Variants in MACROD2 observed in about 807,000 individuals in gnomAD.
The protein encoded by MACROD2 is mono-ADP ribosylhydrolase 2.
MACROD2 carries 36 observed loss-of-function variants against 70.4 expected under a neutral mutation model. That is an observed-to-expected ratio of 0.51 (90% CI 0.39 to 0.68). The LOEUF (loss-of-function observed/expected upper bound fraction) is 0.68, where lower values mean the gene tolerates loss of function less well. Among genes scored for constraint, MACROD2 ranks in the 30% least tolerant of loss-of-function variants. The pLI is 0.00. For missense variants in MACROD2, 496 were observed against 538.4 expected (o/e 0.92, Z 0.78); for synonymous variants, 172 against 178.8 (o/e 0.96, Z 0.30).
At chr20:14,882,388 A>C (rs1004025024) in intron 5 of MACROD2, among the ~76,000 whole-genome samples, 1 of 152,276 alleles carries the variant, frequency 6.6e-6, no homozygotes, top group Admixed American at 6.5e-5. Flanking sequence ...TACATGTGTC[A>C]TCTCTCAACC....
At chr20:15,293,214 G>A (rs749835521) in intron 6 of MACROD2, among the ~76,000 whole-genome samples, 59 of 152,148 alleles carry the variant, frequency 3.9e-4, no homozygotes, top group Non-Finnish European at 6.3e-4. Flanking sequence ...GGTAACATAC[G>A]TATTCCTAGA....
intron 2 of MACROD2, among the ~76,000 whole-genome samples, chr20:14,009,851 C>T (rs569949653): frequency 1.3e-5 from 2 of 152,202 alleles, no homozygotes; most frequent in South Asian, 2.1e-4. Context: ...CCATTATGCT[C>T]GACAAACTCT....
chr20:15,666,460 C>A (rs2146827258), intron 8 of MACROD2, among the ~76,000 whole-genome samples: 1 of 152,168 alleles, frequency 6.6e-6, no homozygotes, highest in South Asian at 2.1e-4. Flanking sequence ...TCATTTTCTC[C>A]CTGTGGAGGA....
chr20:15,188,010 G>A (rs1335585917), intron 5 of MACROD2, among the ~76,000 whole-genome samples: 8 of 152,046 alleles, frequency 5.3e-5, no homozygotes. Flanking sequence ...AATGTAATGG[G>A]GGCTTTCAGA....
intron 8 of MACROD2, among the ~76,000 whole-genome samples, chr20:15,849,483 C>T (rs976724707): frequency 9.2e-5 from 14 of 152,192 alleles, no homozygotes; most frequent in Non-Finnish European, 1.6e-4. Context: ...TTCCTTCGAG[C>T]ATCGTGACCA....
intron 8 of MACROD2, among the ~76,000 whole-genome samples, chr20:15,643,858 T>G (rs892784020): frequency 6.6e-6 from 1 of 152,172 alleles, no homozygotes. Context: ...AAAAGCATTT[T>G]GGGTGTTCCA....
At chr20:16,023,523 A>G (rs1394221565) in intron 15 of MACROD2, among the ~76,000 whole-genome samples, 3 of 151,060 alleles carry the variant, frequency 2.0e-5, no homozygotes, top group Non-Finnish European at 4.4e-5. Context: ...ATGGCCCTCT[A>G]AAAGCAGATC....
intron 6 of MACROD2, among the ~76,000 whole-genome samples, chr20:15,250,451 T>C (rs999667479): frequency 1.3e-5 from 2 of 152,350 alleles, no homozygotes; most frequent in East Asian, 3.9e-4. Flanking sequence ...TGGGATTATG[T>C]CCATTTAGCT....
intron 6 of MACROD2, among the ~76,000 whole-genome samples, chr20:15,359,031 A>G (rs370440436): frequency 6.6e-6 from 1 of 152,156 alleles, no homozygotes; most frequent in Non-Finnish European, 1.5e-5. Context: ...TATGGATATG[A>G]AATAATTTTA....
chr20:14,526,694 G>A (rs1328494243), intron 4 of MACROD2, among the ~76,000 whole-genome samples: 2 of 152,214 alleles, frequency 1.3e-5, no homozygotes, highest in African/African-American at 4.8e-5. Context: ...CCCTCACAGG[G>A]CATGTGGTGG....
In MACROD2 at chr20:14,355,455, C is replaced by T. The variant is rs527999055; in HGVS notation, c.272-138024C>T. On this transcript the variant is annotated intron_variant, in intron 3 of 17. Transcript: ENST00000684519. ...TAGCCTGAGGAAACTGTAAGAAAGA[C>T]GTTCAGTGTAGAATTATTTAAAAGA... is the stretch of plus-strand genomic sequence containing the variant. Among the ~76,000 whole-genome samples the T allele has an allele frequency of 3.9e-5, 6 of 152,146 alleles. No homozygotes were observed. In the East Asian group the frequency reaches 9.7e-4, roughly 24 times the overall value.
chr20:15,758,832 T>G (rs1027005880), intron 8 of MACROD2, among the ~76,000 whole-genome samples: 1 of 151,650 alleles, frequency 6.6e-6, no homozygotes, highest in African/African-American at 2.4e-5. Context: ...CATGAGGCAC[T>G]GTTCCTGGCC....
intron 8 of MACROD2, among the ~76,000 whole-genome samples, chr20:15,826,557 T>C (rs1004878711): frequency 3.3e-5 from 5 of 152,232 alleles, no homozygotes; most frequent in African/African-American, 1.2e-4. Flanking sequence ...CCTTGAAACA[T>C]TATTGCTATG....
chr20:14,995,795 T>G (rs2074944265), intron 5 of MACROD2, among the ~76,000 whole-genome samples: 1 of 152,128 alleles, frequency 6.6e-6, no homozygotes. Flanking sequence ...AAATATTACG[T>G]ATCGAAACCT....
chr20:15,045,836 G>A (rs1309648927), intron 5 of MACROD2, among the ~76,000 whole-genome samples: 1 of 139,334 alleles, frequency 7.2e-6, no homozygotes, highest in African/African-American at 2.6e-5. Context: ...TCATTATATT[G>A]AAGTGCTTTT....
intron 3 of MACROD2, among the ~76,000 whole-genome samples, chr20:14,124,295 C>G (rs2054619487): frequency 6.6e-6 from 1 of 152,082 alleles, no homozygotes; most frequent in Non-Finnish European, 1.5e-5. Context: ...CATTCCATGG[C>G]TTAGGCCACC....
intron 3 of MACROD2, among the ~76,000 whole-genome samples, chr20:14,192,086 A>T (rs1282920894): frequency 6.6e-6 from 1 of 152,180 alleles, no homozygotes; most frequent in Non-Finnish European, 1.5e-5. Flanking sequence ...GAGGATCTAG[A>T]CACTAGTAGG....
At chr20:14,434,613 T>G (rs1271318373) in intron 3 of MACROD2, among the ~76,000 whole-genome samples, 2 of 152,174 alleles carry the variant, frequency 1.3e-5, no homozygotes, top group Non-Finnish European at 2.9e-5. Flanking sequence ...CTCCATCAGT[T>G]CTTCCTTCTC....
intron 7 of MACROD2, among the ~76,000 whole-genome samples, chr20:15,467,416 A>C (rs958406259): frequency 1.1e-4 from 16 of 152,226 alleles, no homozygotes; most frequent in African/African-American, 3.6e-4. Context: ...TGGAAGAGCC[A>C]AACTAAGACA....
Sources: allele counts gnomAD v4.1 joint callset (sites outside exome capture counted in the v4.1 genomes callset), GRCh38; gene constraint gnomAD v4.1.1; transcripts MANE v1.5; gene names NCBI Gene and HGNC (gene_info 2026-07-23, HGNC 2026-07-21).